TFCP2L1: variants seen among roughly 807,000 people sequenced by gnomAD.
The protein encoded by TFCP2L1 is transcription factor CP2-like protein 1.
TFCP2L1 carries 12 observed loss-of-function variants against 72.2 expected under a neutral mutation model. That is an observed-to-expected ratio of 0.17 (90% CI 0.11 to 0.27). TFCP2L1 has a LOEUF of 0.27. TFCP2L1 is among the 10% of genes least tolerant of loss of function. The pLI is 1.00. For missense variants in TFCP2L1, 488 were observed against 624.6 expected (o/e 0.78, Z 2.33); for synonymous variants, 260 against 251.0 (o/e 1.04, Z -0.34).
At chr2:121,227,654 C>T in intron 13 of TFCP2L1, among the ~76,000 whole-genome samples, 1 of 151,502 alleles carries the variant, frequency 6.6e-6, no homozygotes, top group East Asian at 1.9e-4. Flanking sequence ...GCACTTCAGC[C>T]TGGGTGACAG....
intron 2 of TFCP2L1, among the ~76,000 whole-genome samples, chr2:121,256,042 C>G (rs1017170444): frequency 6.6e-6 from 1 of 152,010 alleles, no homozygotes; most frequent in African/African-American, 2.4e-5. Flanking sequence ...TGCCCGGCCC[C>G]CCTGAACTTC....
intron 1 of TFCP2L1, 148 bp from the exon 2 acceptor site, chr2:121,281,419 C>G: frequency 1.3e-6 from 1 of 791,232 alleles, no homozygotes; most frequent in Non-Finnish European, 1.9e-6. Context: ...ACTCCTGCAA[C>G]CCTCGAATAC....
At chr2:121,278,905 G>T (rs550024265) in intron 2 of TFCP2L1, among the ~76,000 whole-genome samples, 23 of 151,970 alleles carry the variant, frequency 1.5e-4, no homozygotes, top group African/African-American at 5.1e-4. Context: ...TTAGGAGGCT[G>T]AGGCAGGAGA....
At chr2:121,237,152 C>G (rs1444425042) in intron 10 of TFCP2L1, among the ~76,000 whole-genome samples, 1 of 98,830 alleles carries the variant, frequency 1.0e-5, no homozygotes, top group African/African-American at 3.3e-5. Flanking sequence ...GGACTTCTGT[C>G]TGAGGGCCCA....
At chr2:121,281,498 C>T (rs1413290573) in intron 1 of TFCP2L1, among the ~76,000 whole-genome samples, 1 of 152,064 alleles carries the variant, frequency 6.6e-6, no homozygotes, top group Non-Finnish European at 1.5e-5. Flanking sequence ...CCCCCCAAAA[C>T]ACTGATTCAA....
chr2:121,250,276 T>C (rs971699661), intron 2 of TFCP2L1, among the ~76,000 whole-genome samples: 13 of 151,860 alleles, frequency 8.6e-5, no homozygotes, highest in East Asian at 3.9e-4. Context: ...CTGAAGGAAA[T>C]GACACGCATT....
chr2:121,227,354 C>A (rs1686049902), intron 13 of TFCP2L1, among the ~76,000 whole-genome samples: 1 of 152,150 alleles, frequency 6.6e-6, no homozygotes, highest in Non-Finnish European at 1.5e-5. Flanking sequence ...ATTTATACTG[C>A]ATTTCACAAT....
chr2:121,240,658 G>T lies in TFCP2L1; in HGVS notation c.769-1009C>A, dbSNP rs1400367381. On this transcript the variant is annotated intron_variant, in intron 7 of 14. Coordinates refer to ENST00000263707, the MANE Select transcript of TFCP2L1 (RefSeq NM_014553.3). ...GCTCACCAGGACCTCTCTTCCCAGG[G>T]GCAGTCAGCAGAGGAGCAGAGAGGT... 1.0e-5 allele frequency: 10 copies of T among 985,404 alleles called. No homozygotes were observed. The East Asian group carries it at 3.4e-4, about 34-fold the overall frequency. 61.0% of individuals were successfully genotyped at this position (985,404 alleles called of 1,614,324 possible). A position where few individuals can be genotyped will look rare whatever the true frequency, so the allele number is the denominator to read the frequency against.
chr2:121,271,404 G>C (rs574747653), intron 2 of TFCP2L1, among the ~76,000 whole-genome samples: 1 of 152,180 alleles, frequency 6.6e-6, no homozygotes, highest in African/African-American at 2.4e-5. Context: ...AGTATATATG[G>C]TTTGGCTGTT....
rs142106542 is a variant in TFCP2L1, at chr2:121,245,429, G to A, written c.657+1389C>T. 3.9e-5 allele frequency among the ~76,000 whole-genome samples: 6 copies of A among 152,342 alleles called. No homozygotes were observed. The East Asian group carries it at 9.7e-4, about 25-fold the overall frequency. On this transcript the variant is annotated intron_variant, in intron 6 of 14. Coordinates refer to ENST00000263707, the MANE Select transcript of TFCP2L1 (RefSeq NM_014553.3). ...AAATTTGTGGCCATTTGTGACAGCA[G>A]CAATAGGAAGCAAGCAGAGTAGAGG...
At chr2:121,225,239 G>A (rs955483930) in intron 14 of TFCP2L1, among the ~76,000 whole-genome samples, 2 of 151,996 alleles carry the variant, frequency 1.3e-5, no homozygotes, top group Non-Finnish European at 1.5e-5. Context: ...CCCCCATCCC[G>A]ACCCACGCTA....
chr2:121,243,968 G>C (rs1158259452), intron 6 of TFCP2L1, among the ~76,000 whole-genome samples: 1 of 152,166 alleles, frequency 6.6e-6, no homozygotes, highest in Non-Finnish European at 1.5e-5. Flanking sequence ...GGGCCCCGCT[G>C]CCTTGGAGTG....
At chr2:121,232,201 T>C (rs987785010) in intron 12 of TFCP2L1, among the ~76,000 whole-genome samples, 4 of 152,166 alleles carry the variant, frequency 2.6e-5, no homozygotes, top group African/African-American at 9.7e-5. Context: ...TGCAGCAGCG[T>C]GATCTCGGCT....
chr2:121,242,003 A>G (rs1036047753), intron 7 of TFCP2L1, among the ~76,000 whole-genome samples: 1 of 138,516 alleles, frequency 7.2e-6, no homozygotes, highest in African/African-American at 2.7e-5. Flanking sequence ...TGAAGCTGGG[A>G]TGGCACTGGG....
In TFCP2L1 at chr2:121,218,164, C is replaced by T. The variant is rs547036247; in HGVS notation, c.*6177G>A. On this transcript the variant is annotated 3_prime_UTR_variant, in exon 15 of 15. Transcript: ENST00000263707. The stretch of plus-strand genomic sequence containing the variant: ...GGTAAATATTTTGGGCTTTCAGAGC[C>T]AAGAGGCAAAATCAATATTATGTTG... 6.6e-6 allele frequency: 1 copy of T among 152,224 alleles called. No individual in the cohort carries two copies. Among genetic ancestry groups the T allele is most frequent in the Non-Finnish European group, 1.5e-5 (1 of 68,020 alleles). 9.4% of individuals were successfully genotyped at this position (152,224 alleles called of 1,614,324 possible).
intron 10 of TFCP2L1, 25 bp from the exon 11 acceptor site, chr2:121,235,336 C>G (rs371957662): frequency 3.1e-6 from 5 of 1,612,736 alleles, no homozygotes; most frequent in Non-Finnish European, 4.2e-6. Flanking sequence ...AACGGGGATG[C>G]CTGTTACATG....
At position 121,248,968 on chromosome 2, in the gene TFCP2L1, G is replaced by GCCAGGAGACTCACCGATGT. The variant is rs773510169; in HGVS notation, c.392_397+13dup. ...CTCGAGCCTTGCCTGGCCTCTCCTG[G>GCCAGGAGACTCACCGATGT]CCAGGAGACTCACCGATGTCCAGGA... On this transcript the variant is annotated intron_variant, in intron 4 of 14. Coordinates refer to ENST00000263707, the MANE Select transcript of TFCP2L1 (RefSeq NM_014553.3). 208 of 1,567,490 alleles carry GCCAGGAGACTCACCGATGT rather than the reference G, an allele frequency of 1.3e-4. No homozygotes were observed. Among genetic ancestry groups the GCCAGGAGACTCACCGATGT allele is most frequent in the Admixed American group, 1.7e-4 (9 of 53,120 alleles).
intron 4 of TFCP2L1, among the ~76,000 whole-genome samples, chr2:121,248,604 T>TTA (rs1446759240): frequency 6.6e-6 from 1 of 152,170 alleles, no homozygotes; most frequent in African/African-American, 2.4e-5. Flanking sequence ...GCCACAAGGA[T>TTA]TATGGGTAAA....
chr2:121,259,891 CAAAGA>C (rs1201910615), intron 2 of TFCP2L1, among the ~76,000 whole-genome samples: 2 of 151,936 alleles, frequency 1.3e-5, no homozygotes, highest in African/African-American at 4.8e-5. Context: ...AAATACAAAA[CAAAGA>C]AAAGAGGGGA....
Sources: allele counts gnomAD v4.1 joint callset (sites outside exome capture counted in the v4.1 genomes callset), GRCh38; gene constraint gnomAD v4.1.1; transcripts MANE v1.5; gene names NCBI Gene and HGNC (gene_info 2026-07-23, HGNC 2026-07-21).